The following TCF12 variants were observed in gnomAD, a reference collection of about 807,000 sequenced individuals.
The protein encoded by TCF12 is transcription factor 12, also known as DNA-binding protein HTF4.
A neutral mutation model predicts 86.0 loss-of-function variants in TCF12; 45 were observed. The observed-to-expected ratio is 0.52, with a 90% CI of 0.41 to 0.67. The LOEUF (loss-of-function observed/expected upper bound fraction) is 0.67, where lower values mean the gene tolerates loss of function less well. Ranked by LOEUF, TCF12 falls within the 30% of genes least tolerant of loss-of-function variation. The probability of loss-of-function intolerance (pLI) is 0.00; values close to 1 mark genes in which losing one functional copy is unlikely to be tolerated. For missense variants in TCF12, 881 were observed against 859.9 expected (o/e 1.02, Z -0.31); for synonymous variants, 330 against 299.6 (o/e 1.10, Z -1.05).
chr15:57,241,957 A>G (rs1414797260), intron 12 of TCF12, among the ~76,000 whole-genome samples: 1 of 151,936 alleles, frequency 6.6e-6, no homozygotes, highest in East Asian at 1.9e-4. Context: ...ATGTCACTGC[A>G]CTCCAGCCTG....
At chr15:56,964,996 T>G (rs1234735069) in intron 3 of TCF12, among the ~76,000 whole-genome samples, 5 of 152,198 alleles carry the variant, frequency 3.3e-5, no homozygotes. Flanking sequence ...CACTATTCAT[T>G]TAAACTGAAG....
chr15:57,009,173 A>T (rs2064666703), intron 3 of TCF12, among the ~76,000 whole-genome samples: 1 of 152,100 alleles, frequency 6.6e-6, no homozygotes, highest in African/African-American at 2.4e-5. Flanking sequence ...CAAGGGTATG[A>T]TCCTGGCTTA....
chr15:57,016,055 A>G (rs1167422673), intron 3 of TCF12, among the ~76,000 whole-genome samples: 1 of 152,156 alleles, frequency 6.6e-6, no homozygotes, highest in Non-Finnish European at 1.5e-5. Context: ...ACTTGGGGGA[A>G]TTTCCTGGAG....
intron 3 of TCF12, among the ~76,000 whole-genome samples, chr15:57,049,693 G>A (rs949142909): frequency 2.8e-4 from 42 of 152,122 alleles, no homozygotes; most frequent in Non-Finnish European, 2.9e-5. Context: ...AATTCTGTTT[G>A]TAGATACATA....
At chr15:56,951,237 C>A (rs1375553170) in intron 3 of TCF12, among the ~76,000 whole-genome samples, 1 of 152,058 alleles carries the variant, frequency 6.6e-6, no homozygotes, top group Non-Finnish European at 1.5e-5. Flanking sequence ...TAATTTTAGC[C>A]ATTAGAATAG....
At position 56,932,102 on chromosome 15, in the gene TCF12, CTG is replaced by C. The variant is rs149815948; in HGVS notation, c.148+11005_148+11006del. 7.7e-3 allele frequency among the ~76,000 whole-genome samples: 1,174 copies of C among 152,272 alleles called. 19 individuals carry two copies. Among genetic ancestry groups the C allele is most frequent in the African/African-American group, 0.027 (1,120 of 41,552 alleles). Reference sequence around the variant, plus strand: ...GACTCTATTCTCACTGAGTTTGACTCTGGAGACTTGCCAAATAAGTTATAATA... The same window carrying C: ...GACTCTATTCTCACTGAGTTTGACTCGAGACTTGCCAAATAAGTTATAATA... On this transcript the variant is annotated intron_variant, in intron 3 of 20. Transcript: ENST00000333725.
chr15:57,194,331 A>G (rs1219657294), intron 7 of TCF12, among the ~76,000 whole-genome samples: 5 of 152,086 alleles, frequency 3.3e-5, no homozygotes, highest in African/African-American at 4.8e-5. Context: ...ACTTCATGTT[A>G]CAAATGAGGA....
intron 3 of TCF12, among the ~76,000 whole-genome samples, chr15:57,015,723 T>C (rs1739247640): frequency 6.6e-6 from 1 of 152,188 alleles, no homozygotes; most frequent in Non-Finnish European, 1.5e-5. Context: ...GACTCAGTTA[T>C]TTGAACTAAA....
chr15:57,254,657 C>G lies in TCF12; in HGVS notation c.1467+1189C>G, dbSNP rs188461871. 8.6e-5 allele frequency among the ~76,000 whole-genome samples: 13 copies of G among 151,866 alleles called. No homozygotes were observed. In the East Asian group the frequency reaches 2.3e-3, roughly 27 times the overall value. On this transcript the variant is annotated intron_variant, in intron 16 of 20. Transcript: ENST00000333725. The stretch of plus-strand genomic sequence containing the variant: ...GGGAGGATTGGTTGGAGTTCCAAGA[C>G]TAGTCTGGGCAACAAAGTGAGACCC...
intron 13 of TCF12, among the ~76,000 whole-genome samples, chr15:57,243,880 TAA>T (rs2059737798): frequency 6.6e-6 from 1 of 152,150 alleles, no homozygotes. Context: ...AAAGTTTTTC[TAA>T]AGTTATTTTT....
chr15:57,123,968 C>CAACAAAAAAA (rs1369376179), intron 5 of TCF12, among the ~76,000 whole-genome samples: 4 of 81,094 alleles, frequency 4.9e-5, no homozygotes, highest in Non-Finnish European at 1.0e-4. Context: ...GACTCCGTCT[C>CAACAAAAAAA]AAAAAAAAAA....
chr15:57,181,027 G>C (rs376822151), intron 6 of TCF12, among the ~76,000 whole-genome samples: 4,397 of 151,616 alleles, frequency 0.029, 182 homozygotes, highest in African/African-American at 0.089. Flanking sequence ...TGTTAGCCAG[G>C]ATAGTCTCAA....
At chr15:56,997,243 A>T (rs1385623342) in intron 3 of TCF12, among the ~76,000 whole-genome samples, 1 of 152,232 alleles carries the variant, frequency 6.6e-6, no homozygotes, top group African/African-American at 2.4e-5. Context: ...TCAGTGGTGG[A>T]TTGGGTAGAG....
At chr15:57,214,735 C>T (rs561481305) in intron 8 of TCF12, among the ~76,000 whole-genome samples, 38 of 152,130 alleles carry the variant, frequency 2.5e-4, no homozygotes, top group African/African-American at 9.2e-4. Context: ...CTTTAATATC[C>T]ACTGGTTATT....
rs370322651 is a variant in TCF12 at position 57,172,249 on chromosome 15, AT to A, written c.390+5785del. ...AGCTTCAAAACGAAGCAAAACAAAA[AT>A]TGATAGAATTAAAGAGAGAGATAAA... is the stretch of plus-strand genomic sequence containing the variant. On this transcript the variant is annotated intron_variant, in intron 6 of 20. Coordinates refer to ENST00000333725, the MANE Select transcript of TCF12 (RefSeq NM_207037.2). Among the ~76,000 whole-genome samples, 942 of 152,352 alleles carry A rather than the reference AT, an allele frequency of 6.2e-3. 7 individuals carry two copies. Among genetic ancestry groups the A allele is most frequent in the Non-Finnish European group, 0.011 (725 of 68,026 alleles).
chr15:57,114,553 C>T (rs1423318303), intron 5 of TCF12, among the ~76,000 whole-genome samples: 1 of 152,076 alleles, frequency 6.6e-6, no homozygotes, highest in Non-Finnish European at 1.5e-5. Flanking sequence ...CCACTTGGGC[C>T]TCTGAAAGTG....
intron 12 of TCF12, among the ~76,000 whole-genome samples, chr15:57,242,225 A>T (rs1379879878): frequency 6.6e-6 from 1 of 152,214 alleles, no homozygotes; most frequent in African/African-American, 2.4e-5. Flanking sequence ...ACTCACAAGT[A>T]GTTTTCCTTT....
intron 18 of TCF12, among the ~76,000 whole-genome samples, chr15:57,271,336 G>T (rs189522061): frequency 2.4e-4 from 36 of 152,222 alleles, no homozygotes; most frequent in African/African-American, 8.2e-4. Flanking sequence ...ATCCCAGGTC[G>T]ATCTCAGACT....
rs192691702 is a variant in TCF12 at position 57,178,687 on chromosome 15, C to G, written c.390+12221C>G. On this transcript the variant is annotated intron_variant, in intron 6 of 20. Transcript: ENST00000333725. The stretch of plus-strand genomic sequence containing the variant: ...CACATAGGAGAACATTCAGTTAGCC[C>G]TTTTTAATAAGAGAGTTGTAAATTC... Among the ~76,000 whole-genome samples, 5 of 152,240 alleles carry G rather than the reference C, an allele frequency of 3.3e-5. No individual in the cohort carries two copies. In the East Asian group the frequency reaches 9.6e-4, roughly 29 times the overall value.
Sources: allele counts gnomAD v4.1 joint callset (sites outside exome capture counted in the v4.1 genomes callset), GRCh38; gene constraint gnomAD v4.1.1; transcripts MANE v1.5; gene names NCBI Gene and HGNC (gene_info 2026-07-23, HGNC 2026-07-21).